The following ATG2B variants were observed in gnomAD, a reference collection of about 807,000 sequenced individuals.
ATG2B encodes the protein autophagy-related protein 2 homolog B.
ATG2B carries 121 observed loss-of-function variants against 241.3 expected under a neutral mutation model. That is an observed-to-expected ratio of 0.50 (90% CI 0.43 to 0.58). ATG2B has a LOEUF of 0.58. Among genes scored for constraint, ATG2B ranks in the 20% least tolerant of loss-of-function variants. ATG2B has a pLI of 0.00. For missense variants in ATG2B, 2,306 were observed against 2,491.6 expected (o/e 0.93, Z 1.59); for synonymous variants, 858 against 876.6 (o/e 0.98, Z 0.37).
chr14:96,310,709 T>TA (rs970139460), intron 28 of ATG2B, among the ~76,000 whole-genome samples: 52 of 152,208 alleles, frequency 3.4e-4, no homozygotes, highest in Middle Eastern at 3.4e-3. Context: ...GTCTTAGAGA[T>TA]AAAAAAATAG....
intron 21 of ATG2B, among the ~76,000 whole-genome samples, chr14:96,316,088 C>A (rs1341439866): frequency 5.3e-5 from 8 of 152,064 alleles, no homozygotes; most frequent in Non-Finnish European, 4.4e-5. Flanking sequence ...TCAAAAAGGC[C>A]AAATATTGTA....
intron 18 of ATG2B, among the ~76,000 whole-genome samples, chr14:96,321,008 A>G (rs2139869103): frequency 6.6e-6 from 1 of 152,244 alleles, no homozygotes; most frequent in Non-Finnish European, 1.5e-5. Context: ...AAATTTTAAA[A>G]GATTATTTTT....
rs200097160 is a variant in ATG2B at position 96,311,614 on chromosome 14, A to G, written c.3918T>C (p.Tyr1306=). Residue 1306 remains tyrosine, a synonymous_variant, in exon 27 of 42, where the codon TAT becomes TAC. Coordinates refer to ENST00000359933, the MANE Select transcript of ATG2B (RefSeq NM_018036.7). ...AAAGCCCCATATCCATCACACGAACATAATCTAAAATTTTTAAAATTAAGA... is the reference window on the plus strand; with the variant it reads ...AAAGCCCCATATCCATCACACGAACGTAATCTAAAATTTTTAAAATTAAGA... ...NTVTINLSRD[Y]VRVMDMGLLE... is the part of the protein sequence containing the mutation. 1 of 1,604,654 alleles carries G rather than the reference A, an allele frequency of 6.2e-7. No homozygotes were observed. Among genetic ancestry groups the G allele is most frequent in the Non-Finnish European group, 8.5e-7 (1 of 1,173,624 alleles).
At chr14:96,349,290 G>A (rs1888252182) in intron 1 of ATG2B, among the ~76,000 whole-genome samples, 2 of 152,246 alleles carry the variant, frequency 1.3e-5, no homozygotes, top group African/African-American at 4.8e-5. Flanking sequence ...GTGCCAGGGC[G>A]AAGACCCAGA....
At position 96,317,223 on chromosome 14, in the gene ATG2B, C is replaced by T; in HGVS notation, c.3132G>A (p.Gln1044=). 6.2e-7 allele frequency: 1 copy of T among 1,613,712 alleles called. No homozygotes were observed. Among genetic ancestry groups the T allele is most frequent in the Non-Finnish European group, 8.5e-7 (1 of 1,179,712 alleles). ...RSRRKKKLDS[Q]NKNSQSFLSV... is the part of the protein sequence containing the mutation. ...AGAGAAAACTCTGAGAGTTCTTGTT[C>T]TGAGAGTCTAATTTTTTTTTCCTGC... Residue 1044 remains glutamine (Q), a synonymous_variant, in exon 20 of 42, where the codon CAG becomes CAA. Transcript: ENST00000359933.
chr14:96,314,082 G>T lies in ATG2B; in HGVS notation c.3643-647C>A, dbSNP rs530471154. 8.3e-4 allele frequency among the ~76,000 whole-genome samples: 127 copies of T among 152,204 alleles called. 1 individual carries two copies. Among genetic ancestry groups the T allele is most frequent in the African/African-American group, 3.0e-3 (124 of 41,532 alleles). ...ATTTCTAATCCAAACAAATAAGGAG[G>T]TTCTGCTAAATGTCTCCCTTCCAGC... On this transcript the variant is annotated intron_variant, in intron 23 of 41. Coordinates refer to ENST00000359933, the MANE Select transcript of ATG2B (RefSeq NM_018036.7).
intron 1 of ATG2B, among the ~76,000 whole-genome samples, chr14:96,360,304 T>C (rs751138198): frequency 6.6e-6 from 1 of 152,232 alleles, no homozygotes; most frequent in Non-Finnish European, 1.5e-5. Context: ...TTAATCTGTC[T>C]TTTCAAAATA....
chr14:96,282,680 T>G lies in ATG2B; in HGVS notation c.*3075A>C, dbSNP rs2139828027. ...TTCCGGTGGAAGCGGCATGCTGCCT[T>G]TGGACAAACAGCCTCTGCAGGGGCA... On this transcript the variant is annotated 3_prime_UTR_variant, in exon 42 of 42. Coordinates refer to ENST00000359933, the MANE Select transcript of ATG2B (RefSeq NM_018036.7). 1 of 152,392 alleles carries G rather than the reference T, an allele frequency of 6.6e-6. No homozygotes were observed. The allele number at this position is 152,392 out of a possible 1,614,324, so 9.4% of individuals were successfully genotyped here.
At position 96,331,409 on chromosome 14, in the gene ATG2B, A is replaced by C; in HGVS notation, c.1697T>G (p.Val566Gly). The change falls in exon 11 of 42, where the codon GTG becomes GGG. Residue 566 changes from valine (V) to glycine (G), a missense_variant. Physicochemically the swap from Val to Gly is moderately radical, Grantham distance 109. Around this residue, in one of 2 missense-constraint regions of ATG2B, gnomAD observed 1,927 missense variants for 2,011.2 expected, o/e 0.96. Coordinates refer to ENST00000359933, the MANE Select transcript of ATG2B (RefSeq NM_018036.7). ...ATCGTGTGAGCAAGCTTCTGCAAACACTGCTCGGAAAGACTTAAAATCTTC... is the reference window on the plus strand; with the variant it reads ...ATCGTGTGAGCAAGCTTCTGCAAACCCTGCTCGGAAAGACTTAAAATCTTC... ...STEDFKSFRA[V>G]FAEACSHDHL... 6.2e-7 allele frequency: 1 copy of C among 1,613,988 alleles called. No individual in the cohort carries two copies. Among genetic ancestry groups the C allele is most frequent in the Non-Finnish European group, 8.5e-7 (1 of 1,179,952 alleles).
chr14:96,362,731 T>G, intron 1 of ATG2B, 84 bp downstream of exon 1: 1 of 1,382,898 alleles, frequency 7.2e-7, no homozygotes, highest in Non-Finnish European at 9.9e-7. Context: ...AGGGACTGAC[T>G]GTCACCAATC....
rs1168028181 is a variant in ATG2B at position 96,323,970 on chromosome 14, T to C, written c.2466A>G (p.Pro822=). 2 of 1,608,648 alleles carry C rather than the reference T, an allele frequency of 1.2e-6. No individual in the cohort carries two copies. Among genetic ancestry groups the C allele is most frequent in the Admixed American group, 1.7e-5 (1 of 59,042 alleles). ...IGSFQEEKGD[P]SIKFFHVSSG... is the part of the protein sequence containing the mutation. ...TAGACACATGGAAAAACTTAATAGA[T>C]GGATCTCCTTTCTCTTCCTGGAACG... The change falls in exon 16 of 42, where the codon CCA becomes CCG. Residue 822 remains proline, a synonymous_variant. Coordinates refer to ENST00000359933, the MANE Select transcript of ATG2B (RefSeq NM_018036.7).
intron 1 of ATG2B, among the ~76,000 whole-genome samples, chr14:96,362,440 G>C (rs1317084325): frequency 1.3e-5 from 2 of 152,118 alleles, no homozygotes; most frequent in African/African-American, 4.8e-5. Context: ...AATCCTTCCA[G>C]AATGTCATCC....
intron 6 of ATG2B, among the ~76,000 whole-genome samples, chr14:96,337,724 T>C (rs1887902816): frequency 6.6e-6 from 1 of 152,116 alleles, no homozygotes; most frequent in Non-Finnish European, 1.5e-5. Context: ...TAACCCCAGA[T>C]CTGTTTTTTG....
chr14:96,292,843 AC>A (rs1045365965), intron 36 of ATG2B: 1 of 152,182 alleles, frequency 6.6e-6, no homozygotes, highest in Non-Finnish European at 1.5e-5. Flanking sequence ...TGGATACCAA[AC>A]CCCTTGATGT....
In ATG2B at chr14:96,343,221, A is replaced by G. The variant is rs1402693260; in HGVS notation, c.642T>C (p.Thr214=). The change falls in exon 5 of 42, where the codon ACT becomes ACC. Residue 214 remains threonine, a synonymous_variant. Coordinates refer to ENST00000359933, the MANE Select transcript of ATG2B (RefSeq NM_018036.7). ...GCTGAAGTAACTTGTGAGCAAAAGC[A>G]GTGGGTTGATGCACATTAATTCCTG... ...ESSGINVHQP[T]AFAHKLLQLS... is the part of the protein sequence containing the mutation. The G allele has an allele frequency of 9.9e-6, 16 of 1,612,494 alleles. No homozygotes were observed. The highest frequency in any genetic ancestry group is 1.4e-5 in the Non-Finnish European group (16 of 1,179,198).
chr14:96,327,893 C>T (rs1304266099), intron 14 of ATG2B, among the ~76,000 whole-genome samples: 2 of 152,196 alleles, frequency 1.3e-5, no homozygotes, highest in Non-Finnish European at 2.9e-5. Flanking sequence ...TGCGATCTAA[C>T]TGCAACCTCC....
intron 18 of ATG2B, among the ~76,000 whole-genome samples, chr14:96,320,160 G>A (rs1334153619): frequency 1.3e-5 from 2 of 152,020 alleles, no homozygotes; most frequent in East Asian, 1.9e-4. Context: ...CCACAACAAC[G>A]GAAGCCCCCA....
intron 36 of ATG2B, 49 bp from the exon 37 acceptor site, chr14:96,292,147 G>A: frequency 1.7e-6 from 2 of 1,149,160 alleles, no homozygotes; most frequent in Non-Finnish European, 2.5e-6. Flanking sequence ...ATTACTAATA[G>A]GTGAAATTAG....
At position 96,322,635 on chromosome 14, in the gene ATG2B, C is replaced by T; in HGVS notation, c.2641G>A (p.Glu881Lys). The stretch of plus-strand genomic sequence containing the variant: ...TCTTTCAAGGAATGAGCACCTCCTT[C>T]CTCTTCCTCCTGGTAGTGACCATCA... ...ENDGHYQEEE[E>K]GGAHSLKDVC... Residue 881 changes from glutamate to lysine, a missense_variant, in exon 17 of 42, where the codon GAA (glutamate) becomes AAA (lysine). Physicochemically the swap from Glu to Lys is moderately conservative, Grantham distance 56. This residue lies in a region of ATG2B where 1,927 missense variants were observed against 2,011.2 expected (regional missense o/e 0.96). Transcript: ENST00000359933. The T allele has an allele frequency of 6.2e-7, 1 of 1,613,842 alleles. No homozygotes were observed. Among genetic ancestry groups the T allele is most frequent in the Non-Finnish European group, 8.5e-7 (1 of 1,179,884 alleles).
Sources: allele counts gnomAD v4.1 joint callset (sites outside exome capture counted in the v4.1 genomes callset), GRCh38; gene constraint gnomAD v4.1.1; regional missense constraint gnomAD v4.1.1; transcripts MANE v1.5; gene names NCBI Gene and HGNC (gene_info 2026-07-23, HGNC 2026-07-21).